Variants in MYO5B observed in about 807,000 individuals in gnomAD.
MYO5B encodes the protein myosin VB.
Under a neutral mutation model 229.3 loss-of-function variants are expected in MYO5B, and 143 were observed. The ratio of observed to expected loss-of-function variants is 0.62; its 90% CI spans 0.54 to 0.72. The LOEUF is 0.72. Ranked by LOEUF, MYO5B falls within the 30% of genes least tolerant of loss-of-function variation. The pLI is 0.00. For synonymous variants in MYO5B, 918 were observed against 885.2 expected (o/e 1.04, Z -0.66); for missense variants, 2,321 against 2,331.0 (o/e 1.00, Z 0.09).
At chr18:50,176,151 T>G (rs1472771446) in intron 1 of MYO5B, among the ~76,000 whole-genome samples, 1 of 152,166 alleles carries the variant, frequency 6.6e-6, no homozygotes, top group Non-Finnish European at 1.5e-5. Context: ...GAATATATTA[T>G]CACGGAATCA....
intron 1 of MYO5B, among the ~76,000 whole-genome samples, chr18:50,154,891 T>C (rs972656422): frequency 1.3e-5 from 2 of 152,206 alleles, no homozygotes; most frequent in Admixed American, 6.5e-5. Flanking sequence ...TGACATTGGC[T>C]GTTATGTTAC....
chr18:50,013,964 G>T (rs2026189478), intron 4 of MYO5B, among the ~76,000 whole-genome samples: 2 of 152,206 alleles, frequency 1.3e-5, no homozygotes, highest in Non-Finnish European at 2.9e-5. Flanking sequence ...CGCTGGGTAT[G>T]CTTGCTGAGT....
chr18:49,972,359 C>T (rs868195036), intron 10 of MYO5B, among the ~76,000 whole-genome samples: 18 of 152,216 alleles, frequency 1.2e-4, no homozygotes, highest in Admixed American at 2.6e-4. Flanking sequence ...CGGAGGCCTC[C>T]TAAGAACAGC....
intron 21 of MYO5B, among the ~76,000 whole-genome samples, chr18:49,896,203 G>A (rs940616158): frequency 1.5e-4 from 23 of 152,112 alleles, no homozygotes; most frequent in Non-Finnish European, 8.8e-5. Context: ...GGGCCTTGTG[G>A]TTGTGACCAG....
In MYO5B at chr18:49,902,645, G is replaced by A. The variant is rs762857950; in HGVS notation, c.2760C>T (p.Asn920=). The stretch of plus-strand genomic sequence containing the variant: ...GGACCACCTTGTTCTCCATGCCCAC[G>A]TTGAGACGTTTCAGATGCTCTGCTG... The part of the protein sequence containing the change: ...ARSAEHLKRL[N]VGMENKVVQL... The change falls in exon 21 of 40, where the codon AAC becomes AAT. Residue 920 remains asparagine, a synonymous_variant. Coordinates refer to ENST00000285039, the MANE Select transcript of MYO5B (RefSeq NM_001080467.3). 39 of 1,613,274 alleles carry A rather than the reference G, an allele frequency of 2.4e-5. No individual in the cohort carries two copies. Among genetic ancestry groups the A allele is most frequent in the South Asian group, 5.5e-5 (5 of 91,084 alleles).
At chr18:50,157,544 T>G (rs1376566951) in intron 1 of MYO5B, among the ~76,000 whole-genome samples, 1 of 152,220 alleles carries the variant, frequency 6.6e-6, no homozygotes, top group East Asian at 1.9e-4. Flanking sequence ...CTCTGGGCCT[T>G]TGCATTGGCT....
intron 3 of MYO5B, among the ~76,000 whole-genome samples, chr18:50,038,974 G>A (rs536932475): frequency 6.6e-6 from 1 of 152,226 alleles, no homozygotes; most frequent in African/African-American, 2.4e-5. Flanking sequence ...ACTTGCTATC[G>A]ACAGCTCCTG....
At chr18:50,159,526 C>T (rs936324902) in intron 1 of MYO5B, among the ~76,000 whole-genome samples, 2 of 152,102 alleles carry the variant, frequency 1.3e-5, no homozygotes, top group Non-Finnish European at 2.9e-5. Flanking sequence ...ACTAAAGCTC[C>T]CAGCTCCAGG....
At chr18:49,893,522 T>C (rs1328464370) in intron 22 of MYO5B, among the ~76,000 whole-genome samples, 1 of 152,242 alleles carries the variant, frequency 6.6e-6, no homozygotes, top group Non-Finnish European at 1.5e-5. Flanking sequence ...TCCCAAAGAA[T>C]GAATCCACTT....
chr18:50,171,518 G>C (rs1349999186), intron 1 of MYO5B, among the ~76,000 whole-genome samples: 1 of 126,726 alleles, frequency 7.9e-6, no homozygotes, highest in Non-Finnish European at 1.7e-5. Flanking sequence ...ACGATTATGA[G>C]TGGGCTGATT....
intron 2 of MYO5B, among the ~76,000 whole-genome samples, chr18:50,041,637 C>G (rs2030017970): frequency 6.6e-6 from 1 of 152,048 alleles, no homozygotes; most frequent in African/African-American, 2.4e-5. Flanking sequence ...TTCTTATTCT[C>G]TCTTACCAAA....
intron 39 of MYO5B, among the ~76,000 whole-genome samples, chr18:49,831,055 T>C (rs563884394): frequency 6.6e-6 from 1 of 152,104 alleles, no homozygotes; most frequent in African/African-American, 2.4e-5. Flanking sequence ...GAAAGGGCAG[T>C]GTCTTTGACA....
intron 1 of MYO5B, among the ~76,000 whole-genome samples, chr18:50,137,237 C>G (rs1268013233): frequency 6.6e-6 from 1 of 152,218 alleles, no homozygotes; most frequent in African/African-American, 2.4e-5. Context: ...GGATTCTTAG[C>G]CTATCTACCA....
chr18:49,977,242 C>T (rs542070707), intron 9 of MYO5B, among the ~76,000 whole-genome samples: 2 of 152,242 alleles, frequency 1.3e-5, no homozygotes, highest in Admixed American at 6.5e-5. Flanking sequence ...TTAAATGATG[C>T]TAAATCCATT....
intron 17 of MYO5B, among the ~76,000 whole-genome samples, chr18:49,923,500 A>G (rs771698768): frequency 1.3e-5 from 2 of 152,014 alleles, no homozygotes; most frequent in Non-Finnish European, 2.9e-5. Context: ...CCCCTCTAAA[A>G]CCGACCATTT....
In MYO5B at chr18:50,194,912, T is replaced by G; in HGVS notation, c.-119A>C. On this transcript the variant is annotated 5_prime_UTR_variant, in exon 1 of 40. Transcript: ENST00000285039. Reference sequence around the variant, plus strand: ...GCCTGGAGTTTCTCGATCTTCTCGCTCTTCTCCGACCTGCCCCGCCGGCTT... The same window carrying G: ...GCCTGGAGTTTCTCGATCTTCTCGCGCTTCTCCGACCTGCCCCGCCGGCTT... The G allele has an allele frequency of 8.3e-7, 1 of 1,204,618 alleles. No individual in the cohort carries two copies. The highest frequency in any genetic ancestry group is 1.0e-6 in the Non-Finnish European group (1 of 968,900). 74.6% of individuals were successfully genotyped at this position (1,204,618 alleles called of 1,614,324 possible). A position where few individuals can be genotyped will look rare whatever the true frequency, so the allele number is the denominator to read the frequency against.
At position 49,990,426 on chromosome 18, in the gene MYO5B, C is replaced by T. The variant is rs1330771392; in HGVS notation, c.838+13G>A. The T allele has an allele frequency of 1.2e-6, 2 of 1,609,858 alleles. No individual in the cohort carries two copies. Among genetic ancestry groups the T allele is most frequent in the Non-Finnish European group, 1.7e-6 (2 of 1,176,280 alleles). On this transcript the variant is annotated intron_variant, in intron 7 of 39. Coordinates refer to ENST00000285039, the MANE Select transcript of MYO5B (RefSeq NM_001080467.3). ...GCCCACCCCAGAGGATAGGCATGCACCTGTTGACTTACTTAGTGCAAGCTC... is the reference window on the plus strand; with the variant it reads ...GCCCACCCCAGAGGATAGGCATGCATCTGTTGACTTACTTAGTGCAAGCTC...
At chr18:49,883,957 A>ACT (rs1212142097) in intron 22 of MYO5B, among the ~76,000 whole-genome samples, 2 of 152,208 alleles carry the variant, frequency 1.3e-5, no homozygotes, top group Non-Finnish European at 2.9e-5. Flanking sequence ...ACAAAAATTA[A>ACT]CTCAAAATGC....
intron 1 of MYO5B, among the ~76,000 whole-genome samples, chr18:50,155,295 G>T (rs1054498342): frequency 5.3e-5 from 8 of 151,984 alleles, no homozygotes; most frequent in Admixed American, 2.0e-4. Flanking sequence ...TTCGTAGAAT[G>T]AAGAATTGGT....
Sources: allele counts gnomAD v4.1 joint callset (sites outside exome capture counted in the v4.1 genomes callset), GRCh38; gene constraint gnomAD v4.1.1; transcripts MANE v1.5; gene names NCBI Gene and HGNC (gene_info 2026-07-23, HGNC 2026-07-21).